ABCA9: variants seen among roughly 807,000 people sequenced by gnomAD.
The protein encoded by ABCA9 is ATP binding cassette subfamily A member 9.
A neutral mutation model predicts 205.3 loss-of-function variants in ABCA9; 183 were observed. The ratio of observed to expected loss-of-function variants is 0.89; its 90% confidence interval spans 0.79 to 1.01. The LOEUF is 1.01. Ranked by LOEUF, ABCA9 falls within the 50% of genes least tolerant of loss-of-function variation. ABCA9 has a pLI of 0.00. For missense variants in ABCA9, 1,805 were observed against 1,912.4 expected (o/e 0.94, Z 1.05); for synonymous variants, 651 against 683.3 (o/e 0.95, Z 0.74).
the ABCA9 span, among the ~76,000 whole-genome samples, chr17:69,066,442 T>C: frequency 2.0e-5 from 3 of 151,976 alleles, no homozygotes; most frequent in Admixed American, 6.6e-5. Flanking sequence ...GTAGTTTAAG[T>C]GAGTTGTTTT....
chr17:68,999,623 G>C (rs1236601400), intron 25 of ABCA9, among the ~76,000 whole-genome samples: 4 of 150,932 alleles, frequency 2.7e-5, no homozygotes, highest in Non-Finnish European at 3.0e-5. Flanking sequence ...ATGATTTATA[G>C]TCCTTTGGGT....
At chr17:69,002,991 T>C (rs1423252055) in intron 25 of ABCA9, among the ~76,000 whole-genome samples, 1 of 146,814 alleles carries the variant, frequency 6.8e-6, no homozygotes, top group Non-Finnish European at 1.5e-5. Context: ...TCCATCCTTT[T>C]ATTTTGAGCC....
At chr17:69,055,657 G>A (rs1240658473) in intron 1 of ABCA9, among the ~76,000 whole-genome samples, 1 of 152,190 alleles carries the variant, frequency 6.6e-6, no homozygotes, top group African/African-American at 2.4e-5. Flanking sequence ...ATAATCAACC[G>A]ATTGGGTAAA....
rs763419908 is a variant in ABCA9 at position 69,030,735 on chromosome 17, CTTCAT to C, written c.1445+1368_1445+1372del. Among the ~76,000 whole-genome samples, 10 of 152,170 alleles carry C rather than the reference CTTCAT, an allele frequency of 6.6e-5. No homozygotes were observed. In the East Asian group the frequency reaches 9.7e-4, roughly 15 times the overall value. ...TAATAGGTATCAGCTTGCTTTATTC[CTTCAT>C]TTCATCTAAGCAATAGAAATGATAA... On this transcript the variant is annotated intron_variant, in intron 10 of 38. Transcript: ENST00000340001.
the ABCA9 span, among the ~76,000 whole-genome samples, chr17:69,077,018 T>C: frequency 6.6e-6 from 1 of 152,168 alleles, no homozygotes; most frequent in Non-Finnish European, 1.5e-5. Context: ...TTGTTAGTTC[T>C]GCACTGATTT....
chr17:69,020,612 A>G (rs1351063240), intron 18 of ABCA9, 26 bp from the exon 19 acceptor site: 1 of 1,597,788 alleles, frequency 6.3e-7, no homozygotes, highest in African/African-American at 1.3e-5. Context: ...AATATTTTAT[A>G]AAGTGCCATT....
intron 35 of ABCA9, 56 bp downstream of exon 35, chr17:68,984,000 A>G (rs2069147277): frequency 1.2e-6 from 2 of 1,609,554 alleles, no homozygotes; most frequent in Non-Finnish European, 1.7e-6. Context: ...AGGGAAATAA[A>G]CTTTGCTCAC....
chr17:68,999,696 C>A (rs575313103), intron 25 of ABCA9, among the ~76,000 whole-genome samples: 60 of 152,198 alleles, frequency 3.9e-4, no homozygotes, highest in Admixed American at 2.1e-3. Flanking sequence ...CCTGAGGAAT[C>A]GCCACACTGA....
chr17:68,983,606 A>G (rs2069132561), intron 36 of ABCA9, 103 bp downstream of exon 36: 3 of 1,470,840 alleles, frequency 2.0e-6, no homozygotes, highest in Non-Finnish European at 1.8e-6. Context: ...TGCAATTACC[A>G]TAGAGTTAAA....
chr17:68,986,026 G>T, intron 32 of ABCA9, 138 bp downstream of exon 32: 1 of 752,072 alleles, frequency 1.3e-6, no homozygotes. Flanking sequence ...AAACAACACT[G>T]AACAGAGTTC....
intron 6 of ABCA9, among the ~76,000 whole-genome samples, chr17:69,036,161 G>C (rs150993011): frequency 2.4e-4 from 36 of 152,246 alleles, no homozygotes; most frequent in African/African-American, 8.7e-4. Flanking sequence ...CAAAAAAGTA[G>C]ATAATGGAGC....
intron 5 of ABCA9, 23 bp downstream of exon 5, chr17:69,044,474 G>C (rs751999422): frequency 1.3e-6 from 2 of 1,597,630 alleles, no homozygotes; most frequent in African/African-American, 1.3e-5. Flanking sequence ...AATGTGGTTA[G>C]ATTCCTTTAA....
intron 8 of ABCA9, 38 bp downstream of exon 8, chr17:69,035,208 C>G: frequency 6.9e-7 from 1 of 1,440,926 alleles, no homozygotes; most frequent in Non-Finnish European, 9.2e-7. Flanking sequence ...CTGTGTAGAA[C>G]GGTTTGTAAA....
chr17:69,063,530 C>T (rs182101708), upstream of ABCA9, among the ~76,000 whole-genome samples: 1 of 152,320 alleles, frequency 6.6e-6, no homozygotes, highest in East Asian at 1.9e-4. Flanking sequence ...TTTCTCAGAT[C>T]TGGCTGCACT....
chr17:68,995,579 A>G (rs1000973681), intron 26 of ABCA9, among the ~76,000 whole-genome samples: 1 of 152,094 alleles, frequency 6.6e-6, no homozygotes, highest in African/African-American at 2.4e-5. Context: ...CATTTCTCAA[A>G]CCTAACATAT....
intron 25 of ABCA9, chr17:69,004,729 T>A (rs1270287194): frequency 6.9e-3 from 1,069 of 155,728 alleles, no homozygotes; most frequent in Non-Finnish European, 0.012. Flanking sequence ...CGCCTTGCAG[T>A]TTGATCTCAG....
chr17:69,007,387 C>T (rs112918647), intron 25 of ABCA9, among the ~76,000 whole-genome samples: 3,618 of 151,878 alleles, frequency 0.024, 78 homozygotes, highest in Middle Eastern at 0.041. Context: ...GGCGACAGAG[C>T]GAGACTCTGT....
intron 25 of ABCA9, among the ~76,000 whole-genome samples, chr17:69,003,254 A>G (rs556791030): frequency 6.6e-6 from 1 of 152,182 alleles, no homozygotes; most frequent in Admixed American, 6.5e-5. Context: ...AGAGGCTGGT[A>G]CCAGTTGTTC....
chr17:68,990,741 G>A, intron 29 of ABCA9, 96 bp downstream of exon 29: 1 of 1,471,098 alleles, frequency 6.8e-7, no homozygotes, highest in Admixed American at 2.1e-5. Flanking sequence ...AAGAATGAAA[G>A]AACCCCAAGT....
Sources: allele counts gnomAD v4.1 joint callset (sites outside exome capture counted in the v4.1 genomes callset), GRCh38; gene constraint gnomAD v4.1.1; transcripts MANE v1.5; gene names NCBI Gene and HGNC (gene_info 2026-07-23, HGNC 2026-07-21).